DHRS2: variants seen among roughly 807,000 people sequenced by gnomAD.
DHRS2 encodes dehydrogenase/reductase 2, also known as dehydrogenase/reductase SDR family member 2, mitochondrial.
Under a neutral mutation model 26.3 loss-of-function variants are expected in DHRS2, and 29 were observed. That is an observed-to-expected ratio of 1.10 (90% CI 0.82 to 1.50). The LOEUF (loss-of-function observed/expected upper bound fraction) is 1.50. Among genes scored for constraint, DHRS2 ranks in the 40% most tolerant of loss-of-function variants. DHRS2 has a pLI of 0.00. For missense variants in DHRS2, 439 were observed against 367.1 expected, an observed-to-expected ratio of 1.20 and a Z score of -1.60; for synonymous variants, 164 against 151.3, an observed-to-expected ratio of 1.08 and a Z score of -0.62.
intron 1 of DHRS2, chr14:23,630,289 T>A (rs1436282238): frequency 1.3e-5 from 2 of 152,300 alleles, no homozygotes; most frequent in Non-Finnish European, 2.9e-5. Context: ...TGGCTCAGGC[T>A]GGGGCTGCCT....
At chr14:23,639,063 A>C in intron 2 of DHRS2, 59 bp downstream of exon 2, 1 of 1,598,944 alleles carries the variant, frequency 6.3e-7, no homozygotes. Flanking sequence ...GGCTTCCACA[A>C]GGACTCAGGG....
chr14:23,639,100 G>T (rs905240868), intron 2 of DHRS2, 79 bp from the exon 3 acceptor site: 360 of 1,592,532 alleles, frequency 2.3e-4, no homozygotes, highest in Non-Finnish European at 2.7e-4. Flanking sequence ...AGCCTTATTT[G>T]CTGATTTCCA....
In DHRS2 at chr14:23,639,233, C is replaced by T. The variant is rs1213147192; in HGVS notation, c.195C>T (p.Ile65=). Residue 65 remains isoleucine (I), a synonymous_variant, in exon 3 of 9, where the codon ATC becomes ATT. Coordinates refer to ENST00000250383, the MANE Select transcript of DHRS2 (RefSeq NM_005794.4). The stretch of plus-strand genomic sequence containing the variant: ...CCCGGGACGGGGCCCACGTGGTCAT[C>T]AGCAGCCGGAAGCAGCAGAACGTGG... ...RLARDGAHVV[I]SSRKQQNVDR... is the part of the protein sequence containing the mutation. The T allele has an allele frequency of 6.2e-7, 1 of 1,613,882 alleles. No individual in the cohort carries two copies. The highest frequency in any genetic ancestry group is 8.5e-7 in the Non-Finnish European group (1 of 1,179,908).
chr14:23,639,153 C>A, intron 2 of DHRS2, 26 bp from the exon 3 acceptor site: 1 of 1,609,562 alleles, frequency 6.2e-7, no homozygotes, highest in Non-Finnish European at 8.5e-7. Context: ...CTGAGGCTGA[C>A]TTTTGCCCTC....
chr14:23,644,482 C>A lies in DHRS2; in HGVS notation c.614C>A (p.Pro205His). The A allele has an allele frequency of 1.9e-6, 3 of 1,614,220 alleles. No individual in the cohort carries two copies. The highest frequency in any genetic ancestry group is 2.5e-6 in the Non-Finnish European group (3 of 1,180,054). ...LTRTLALELA[P>H]KDIRVNCVVP... is the part of the protein sequence containing the mutation. ...AGAACACTGGCATTGGAGCTGGCCC[C>A]CAAGGACATCCGGGTAAACTGCGTG... Residue 205 changes from proline to histidine, a missense_variant, in exon 7 of 9, where the codon CCC (proline) becomes CAC (histidine). Transcript: ENST00000250383.
At chr14:23,642,463 G>C (rs530661973) in intron 4 of DHRS2, 5 of 152,634 alleles carry the variant, frequency 3.3e-5, no homozygotes, top group Non-Finnish European at 7.3e-5. Flanking sequence ...AAAGCTCAGA[G>C]AGACAAAAAA....
rs74036809 is a variant in DHRS2, at chr14:23,639,210, C to A, written c.172C>A (p.Arg58=). 3.7e-6 allele frequency: 6 copies of A among 1,613,836 alleles called. No homozygotes were observed. Among genetic ancestry groups the A allele is most frequent in the Non-Finnish European group, 5.1e-6 (6 of 1,179,916 alleles). Residue 58 remains arginine, a synonymous_variant, in exon 3 of 9, where the codon CGG becomes AGG. Coordinates refer to ENST00000250383, the MANE Select transcript of DHRS2 (RefSeq NM_005794.4). ...IGFAIARRLA[R]DGAHVVISSR... ...CTTTGCCATCGCCCGACGTCTGGCC[C>A]GGGACGGGGCCCACGTGGTCATCAG...
intron 8 of DHRS2, 59 bp from the exon 9 acceptor site, chr14:23,645,083 C>T (rs1399703681): frequency 1.2e-6 from 2 of 1,608,284 alleles, no homozygotes; most frequent in Non-Finnish European, 1.7e-6. Flanking sequence ...CATCCGTGAG[C>T]CCCAGAGCAG....
Position 23,645,157 on chromosome 14 carries a change from G to A in DHRS2, c.747G>A (p.Glu249=), listed in dbSNP as rs1321840631. 3 of 1,614,110 alleles carry A rather than the reference G, an allele frequency of 1.9e-6. No individual in the cohort carries two copies. Among genetic ancestry groups the A allele is most frequent in the South Asian group, 2.2e-5 (2 of 91,076 alleles). ...TTCCATCCAGGATTGGGGAGTCAGAGGACTGTGCAGGAATCGTGTCCTTCC... is the reference window on the plus strand; with the variant it reads ...TTCCATCCAGGATTGGGGAGTCAGAAGACTGTGCAGGAATCGTGTCCTTCC... ...HHQLQRIGES[E]DCAGIVSFLC... is the part of the protein sequence containing the mutation. Residue 249 remains glutamate, a synonymous_variant, in exon 9 of 9, where the codon GAG becomes GAA. Transcript: ENST00000250383.
intron 3 of DHRS2, 38 bp downstream of exon 3, chr14:23,639,394 A>T (rs1341191987): frequency 6.5e-7 from 1 of 1,531,834 alleles, no homozygotes; most frequent in Non-Finnish European, 8.8e-7. Flanking sequence ...AGAGAGGGGA[A>T]CATGCAGAAC....
intron 4 of DHRS2, chr14:23,641,803 G>A: frequency 1.6e-6 from 2 of 1,280,478 alleles, no homozygotes; most frequent in South Asian, 2.5e-5. Flanking sequence ...CCACATCCAA[G>A]GGATTGAGTG....
At position 23,645,426 on chromosome 14, in the gene DHRS2, G is replaced by A; in HGVS notation, c.*173G>A. On this transcript the variant is annotated 3_prime_UTR_variant, in exon 9 of 9. Transcript: ENST00000250383. The stretch of plus-strand genomic sequence containing the variant: ...AAAAACGCTTCGGCATTCTCCTTAG[G>A]ACTTATCTGCTTGTAGATTTGGCTG... The A allele has an allele frequency of 1.5e-6, 2 of 1,347,410 alleles. No homozygotes were observed. The highest frequency in any genetic ancestry group is 2.0e-6 in the Non-Finnish European group (2 of 994,094). 83.5% of individuals were successfully genotyped at this position (1,347,410 alleles called of 1,614,324 possible). A position where few individuals can be genotyped will look rare whatever the true frequency, so the allele number is the denominator to read the frequency against.
At chr14:23,641,641 C>A (rs1325909974) in intron 4 of DHRS2, 3 of 1,289,800 alleles carry the variant, frequency 2.3e-6, no homozygotes, top group East Asian at 5.6e-5. Flanking sequence ...TACAGCTAAC[C>A]TAATCCTCAA....
intron 7 of DHRS2, 116 bp downstream of exon 7, chr14:23,644,659 C>A: frequency 6.5e-7 from 1 of 1,528,186 alleles, no homozygotes; most frequent in Non-Finnish European, 9.0e-7. Flanking sequence ...GACTGAGGTC[C>A]TCATTGTTCT....
rs1196399021 is a variant in DHRS2, at chr14:23,645,111, A to T, written c.732-31A>T. 3 of 1,613,284 alleles carry T rather than the reference A, an allele frequency of 1.9e-6. No homozygotes were observed. In the Admixed American group the frequency reaches 5.0e-5, roughly 27 times the overall value. ...CAGAGCAGCAGAATCAGAGTACAAGATGCTTGACACTGTGTCCTTCTTCCA... is the reference window on the plus strand; with the variant it reads ...CAGAGCAGCAGAATCAGAGTACAAGTTGCTTGACACTGTGTCCTTCTTCCA... On this transcript the variant is annotated intron_variant, in intron 8 of 8. Coordinates refer to ENST00000250383, the MANE Select transcript of DHRS2 (RefSeq NM_005794.4).
intron 4 of DHRS2, 64 bp downstream of exon 4, chr14:23,639,959 A>C: frequency 7.5e-7 from 1 of 1,335,670 alleles, no homozygotes; most frequent in South Asian, 1.7e-5. Flanking sequence ...GGGCTCCAGC[A>C]TGCCTGTGCC....
intron 8 of DHRS2, 60 bp downstream of exon 8, chr14:23,644,942 A>G (rs777056933): frequency 6.3e-7 from 1 of 1,591,630 alleles, no homozygotes; most frequent in Admixed American, 1.7e-5. Flanking sequence ...AGTTGAGTCT[A>G]TTGCAAGAGC....
intron 5 of DHRS2, 142 bp downstream of exon 5, chr14:23,643,361 C>CCCCATCTG: frequency 1.3e-6 from 1 of 749,512 alleles, no homozygotes; most frequent in Non-Finnish European, 2.2e-6. Context: ...TGTCCTGCCT[C>CCCCATCTG]CCCATCTGTG....
intron 1 of DHRS2, among the ~76,000 whole-genome samples, chr14:23,637,316 T>G (rs1180672028): frequency 1.3e-5 from 2 of 152,208 alleles, no homozygotes; most frequent in Non-Finnish European, 2.9e-5. Flanking sequence ...TTTAGGCACC[T>G]GGGCTCACCA....
Sources: allele counts gnomAD v4.1 joint callset (sites outside exome capture counted in the v4.1 genomes callset), GRCh38; gene constraint gnomAD v4.1.1; transcripts MANE v1.5; gene names NCBI Gene and HGNC (gene_info 2026-07-23, HGNC 2026-07-21).